Variants in BRIP1 observed in about 807,000 individuals in gnomAD.
The protein encoded by BRIP1 is Fanconi anemia group J protein.
In BRIP1, 88 loss-of-function variants were observed where a neutral mutation model predicts 119.7. The ratio of observed to expected loss-of-function variants is 0.74; its 90% CI spans 0.62 to 0.88. BRIP1 has a LOEUF of 0.88. Among genes scored for constraint, BRIP1 ranks in the 40% least tolerant of loss-of-function variants. The pLI, the probability that BRIP1 is intolerant of heterozygous loss-of-function variation, is 0.00. For synonymous variants in BRIP1, 443 were observed against 496.5 expected, an observed-to-expected ratio of 0.89 and a Z score of 1.43; for missense variants, 1,259 against 1,455.4, an observed-to-expected ratio of 0.87 and a Z score of 2.20.
At chr17:61,850,869 T>C (rs2078810990) in intron 4 of BRIP1, among the ~76,000 whole-genome samples, 1 of 151,566 alleles carries the variant, frequency 6.6e-6, no homozygotes, top group African/African-American at 2.4e-5. Flanking sequence ...AACTCAGAAA[T>C]GAACCTATGC....
rs1384037540 is a variant in BRIP1, at chr17:61,857,131, T to C, written c.306A>G (p.Gln102=). 1 of 1,614,094 alleles carries C rather than the reference T, an allele frequency of 6.2e-7. No individual in the cohort carries two copies. Among genetic ancestry groups the C allele is most frequent in the South Asian group, 1.1e-5 (1 of 91,088 alleles). The change falls in exon 4 of 20, where the codon CAA becomes CAG. Residue 102 remains glutamine, a synonymous_variant. Transcript: ENST00000259008. The surrounding 1 kb of genome is among the most constrained non-coding windows in gnomAD (Gnocchi z 5.1). ...SKDFTNNDMN[Q]GTSRHFNYPS... ...GATAGTTGAAATGACGTGAAGTTCC[T>C]TGGTTCATGTCATTGTTTGTAAAAT...
Position 61,712,644 on chromosome 17 carries a change from G to A in BRIP1, c.2492+3307C>T, listed in dbSNP as rs112593655. Among the ~76,000 whole-genome samples, 88 of 152,276 alleles carry A rather than the reference G, an allele frequency of 5.8e-4. 1 individual carries two copies. Among genetic ancestry groups the A allele is most frequent in the African/African-American group, 1.9e-3 (79 of 41,558 alleles). On this transcript the variant is annotated intron_variant, in intron 17 of 19. Coordinates refer to ENST00000259008, the MANE Select transcript of BRIP1 (RefSeq NM_032043.3). ...TTGTGGGCCGAATGTGGTGGCTCAC[G>A]CCTGTAATTCCAGCACTTTGGGAGG...
Position 61,683,317 on chromosome 17 carries a change from G to A in BRIP1, c.3729C>T (p.Gly1243=). 6.2e-7 allele frequency: 1 copy of A among 1,609,714 alleles called. No homozygotes were observed. The highest frequency in any genetic ancestry group is 8.5e-7 in the Non-Finnish European group (1 of 1,176,700). Residue 1243 remains glycine, a synonymous_variant, in exon 20 of 20, where the codon GGC becomes GGT. Coordinates refer to ENST00000259008, the MANE Select transcript of BRIP1 (RefSeq NM_032043.3). This position sits in a 1 kb window ranked among gnomAD's most constrained non-coding sequence, Gnocchi z 4.7. ...ATTATTACTTAAAACCAGGAAACAT[G>A]CCTTTATTTTTGGAAGGAGATGGTT... is the stretch of plus-strand genomic sequence containing the variant. ...NFKPSPSKNK[G]MFPGFK
Position 61,680,220 on chromosome 17 carries a change from T to C in BRIP1, c.*3076A>G, listed in dbSNP as rs1190733835. On this transcript the variant is annotated 3_prime_UTR_variant, in exon 20 of 20. Coordinates refer to ENST00000259008, the MANE Select transcript of BRIP1 (RefSeq NM_032043.3). Reference sequence around the variant, plus strand: ...AAAAAAAATTAGCTGGGTGCAGTGGTGTACACCTGTAATCCCAGCTACGCA... The same window carrying C: ...AAAAAAAATTAGCTGGGTGCAGTGGCGTACACCTGTAATCCCAGCTACGCA... Among the ~76,000 whole-genome samples, 1 of 146,294 alleles carries C rather than the reference T, an allele frequency of 6.8e-6. No individual in the cohort carries two copies. The highest frequency in any genetic ancestry group is 2.5e-5 in the African/African-American group (1 of 39,824).
chr17:61,743,312 C>A lies in BRIP1; in HGVS notation c.2258-178G>T, dbSNP rs2077012352. On this transcript the variant is annotated intron_variant, in intron 15 of 19. Coordinates refer to ENST00000259008, the MANE Select transcript of BRIP1 (RefSeq NM_032043.3). This position sits in a 1 kb window ranked among gnomAD's most constrained non-coding sequence, Gnocchi z 4.3. Reference sequence around the variant, plus strand: ...AATGTCTTTAAGTAAATAAGGGGAACAAAATTACATTTATATGCAAAAGGG... The same window carrying A: ...AATGTCTTTAAGTAAATAAGGGGAAAAAAATTACATTTATATGCAAAAGGG... Among the ~76,000 whole-genome samples, 1 of 152,102 alleles carries A rather than the reference C, an allele frequency of 6.6e-6. No homozygotes were observed. Among genetic ancestry groups the A allele is most frequent in the African/African-American group, 2.4e-5 (1 of 41,432 alleles).
rs1484191483 is a variant in BRIP1 at position 61,767,533 on chromosome 17, C to T, written c.2097+8868G>A. 6.6e-6 allele frequency among the ~76,000 whole-genome samples: 1 copy of T among 152,082 alleles called. No individual in the cohort carries two copies. The highest frequency in any genetic ancestry group is 1.9e-4 in the East Asian group (1 of 5,192). On this transcript the variant is annotated intron_variant, in intron 14 of 19. Transcript: ENST00000259008. This position sits in a 1 kb window ranked among gnomAD's most constrained non-coding sequence, Gnocchi z 5.7. ...CAAGTGATCCTCCTATCTCAGCCTC[C>T]CAAATTGCTGGGATTATAGGCTTCT...
rs1009955417 is a variant in BRIP1, at chr17:61,744,838, G to T, written c.2098-247C>A. On this transcript the variant is annotated intron_variant, in intron 14 of 19. Transcript: ENST00000259008. This position sits in a 1 kb window ranked among gnomAD's most constrained non-coding sequence, Gnocchi z 5.0. ...TGCTGCTACTACTACTATTATCTTG[G>T]CAATTTCTACCACTACTACTGCTAC... Among the ~76,000 whole-genome samples the T allele has an allele frequency of 6.6e-6, 1 of 150,634 alleles. No individual in the cohort carries two copies. Among genetic ancestry groups the T allele is most frequent in the Non-Finnish European group, 1.5e-5 (1 of 67,300 alleles).
At chr17:61,771,831 G>A (rs527352658) in intron 14 of BRIP1, among the ~76,000 whole-genome samples, 157 of 151,918 alleles carry the variant, frequency 1.0e-3, no homozygotes, top group Non-Finnish European at 1.6e-3. Context: ...ACATGTTGGC[G>A]GACACCTGTA....
chr17:61,758,151 T>C lies in BRIP1; in HGVS notation c.2098-13560A>G, dbSNP rs897645160. Among the ~76,000 whole-genome samples the C allele has an allele frequency of 5.3e-5, 8 of 152,218 alleles. No homozygotes were observed. Among genetic ancestry groups the C allele is most frequent in the East Asian group, 1.9e-4 (1 of 5,206 alleles). On this transcript the variant is annotated intron_variant, in intron 14 of 19. Coordinates refer to ENST00000259008, the MANE Select transcript of BRIP1 (RefSeq NM_032043.3). This position sits in a 1 kb window ranked among gnomAD's most constrained non-coding sequence, Gnocchi z 5.3. ...GTCTAAAGTAATCATTTAGTTAAAA[T>C]GTATATAATCTGACTTGTTTTGCTT...
intron 6 of BRIP1, among the ~76,000 whole-genome samples, chr17:61,837,156 G>A (rs2078587166): frequency 6.6e-6 from 1 of 152,214 alleles, no homozygotes; most frequent in Non-Finnish European, 1.5e-5. Flanking sequence ...ACATGAACCT[G>A]TATTTGCCAG....
chr17:61,763,557 C>A (rs1440156465), intron 14 of BRIP1, among the ~76,000 whole-genome samples: 1 of 152,058 alleles, frequency 6.6e-6, no homozygotes, highest in East Asian at 1.9e-4. Flanking sequence ...TCTAAAAACT[C>A]CTCAGAAATA....
rs771041488 is a variant in BRIP1, at chr17:61,689,319, A to G, written c.2576-3154T>C. On this transcript the variant is annotated intron_variant, in intron 18 of 19. Coordinates refer to ENST00000259008, the MANE Select transcript of BRIP1 (RefSeq NM_032043.3). The surrounding 1 kb of genome is among the most constrained non-coding windows in gnomAD (Gnocchi z 4.5). ...TCAGCCTCCCAAAGTGCTAAGAATC[A>G]GGAAATTTGAAGGCAAGTCGTTTGA... is the stretch of plus-strand genomic sequence containing the variant. Among the ~76,000 whole-genome samples the G allele has an allele frequency of 6.6e-6, 1 of 152,018 alleles. No individual in the cohort carries two copies. The highest frequency in any genetic ancestry group is 2.4e-5 in the African/African-American group (1 of 41,396).
At chr17:61,786,204 G>C (rs939911927) in intron 10 of BRIP1, among the ~76,000 whole-genome samples, 4 of 151,968 alleles carry the variant, frequency 2.6e-5, no homozygotes, top group Admixed American at 1.3e-4. Context: ...GAGCGTGTGT[G>C]TGTGTGTGTG....
At position 61,809,222 on chromosome 17, in the gene BRIP1, C is replaced by T. The variant is rs2078126391; in HGVS notation, c.628-465G>A. Among the ~76,000 whole-genome samples, 1 of 152,042 alleles carries T rather than the reference C, an allele frequency of 6.6e-6. No individual in the cohort carries two copies. The highest frequency in any genetic ancestry group is 6.6e-5 in the Admixed American group (1 of 15,260). On this transcript the variant is annotated intron_variant, in intron 6 of 19. Coordinates refer to ENST00000259008, the MANE Select transcript of BRIP1 (RefSeq NM_032043.3). The surrounding 1 kb of genome is among the most constrained non-coding windows in gnomAD (Gnocchi z 5.2). ...TTGAAGCACTTTTAAATATAGTTTACAAAAGAATAGAATTATCAAGTTGAA... is the reference window on the plus strand; with the variant it reads ...TTGAAGCACTTTTAAATATAGTTTATAAAAGAATAGAATTATCAAGTTGAA...
intron 10 of BRIP1, among the ~76,000 whole-genome samples, chr17:61,790,272 C>T (rs796308851): frequency 1.7e-4 from 26 of 152,224 alleles, no homozygotes; most frequent in African/African-American, 6.0e-4. Context: ...GAGCCAGGTG[C>T]GGTGGCTCAC....
intron 6 of BRIP1, among the ~76,000 whole-genome samples, chr17:61,829,928 C>CTT (rs59921365): frequency 9.5e-5 from 14 of 147,528 alleles, no homozygotes; most frequent in African/African-American, 2.7e-4. Flanking sequence ...AAGTTTCAAT[C>CTT]TTTTTTTTTT....
chr17:61,784,537 A>G, intron 10 of BRIP1, 113 bp from the exon 11 acceptor site: 3 of 979,090 alleles, frequency 3.1e-6, no homozygotes, highest in Non-Finnish European at 4.8e-6. Flanking sequence ...TTAGGTGAAC[A>G]GAATTGCTAT....
rs1364922942 is a variant in BRIP1, at chr17:61,810,412, CATT to C, written c.628-1658_628-1656del. Among the ~76,000 whole-genome samples, 1 of 152,152 alleles carries C rather than the reference CATT, an allele frequency of 6.6e-6. No individual in the cohort carries two copies. Among genetic ancestry groups the C allele is most frequent in the Non-Finnish European group, 1.5e-5 (1 of 68,018 alleles). The stretch of plus-strand genomic sequence containing the variant: ...TTCTTTTTGGCTTTTGCAATGATCA[CATT>C]AATCAATTAACATACAAAAAGAATT... On this transcript the variant is annotated intron_variant, in intron 6 of 19. Transcript: ENST00000259008. This position sits in a 1 kb window ranked among gnomAD's most constrained non-coding sequence, Gnocchi z 4.7.
At position 61,834,787 on chromosome 17, in the gene BRIP1, G is replaced by T. The variant is rs117802875; in HGVS notation, c.627+12314C>A. 9.3e-3 allele frequency among the ~76,000 whole-genome samples: 1,418 copies of T among 152,272 alleles called. 16 individuals are homozygous for T. Among genetic ancestry groups the T allele is most frequent in the South Asian group, 0.032 (153 of 4,824 alleles). ...AGAGACCCACCTCATGGTCCCAGCT[G>T]ACTACCAATCAACTCCCTGAAGCAG... On this transcript the variant is annotated intron_variant, in intron 6 of 19. Transcript: ENST00000259008. This position sits in a 1 kb window ranked among gnomAD's most constrained non-coding sequence, Gnocchi z 4.4.
Sources: allele counts gnomAD v4.1 joint callset (sites outside exome capture counted in the v4.1 genomes callset), GRCh38; gene constraint gnomAD v4.1.1; non-coding constraint Gnocchi (gnomAD v3.1); transcripts MANE v1.5; gene names NCBI Gene and HGNC (gene_info 2026-07-23, HGNC 2026-07-21).